The following ALPK2 variants were observed in gnomAD, a reference collection of about 807,000 sequenced individuals.
ALPK2 encodes the protein alpha kinase 2, also known as alpha-protein kinase 2.
Under a neutral mutation model 163.1 loss-of-function variants are expected in ALPK2, and 127 were observed. The observed-to-expected ratio is 0.78, with a 90% CI of 0.67 to 0.90. The LOEUF (loss-of-function observed/expected upper bound fraction) is 0.90, where lower values mean the gene tolerates loss of function less well. ALPK2 is among the 40% of genes least tolerant of loss of function. ALPK2 has a pLI of 0.00. For synonymous variants in ALPK2, 953 were observed against 959.1 expected, an observed-to-expected ratio of 0.99 and a Z score of 0.12; for missense variants, 2,360 against 2,589.6, an observed-to-expected ratio of 0.91 and a Z score of 1.92.
chr18:58,575,253 C>T (rs1448098986), intron 4 of ALPK2, among the ~76,000 whole-genome samples: 6 of 152,002 alleles, frequency 3.9e-5, no homozygotes, highest in Admixed American at 1.3e-4. Flanking sequence ...CCTAACTATA[C>T]TTGGCATTTA....
chr18:58,552,336 A>G (rs2051764263), intron 4 of ALPK2, among the ~76,000 whole-genome samples: 1 of 152,164 alleles, frequency 6.6e-6, no homozygotes, highest in African/African-American at 2.4e-5. Flanking sequence ...ACAAATATTG[A>G]CAGACACTGT....
At chr18:58,565,927 G>A (rs377324606) in intron 4 of ALPK2, among the ~76,000 whole-genome samples, 1 of 151,910 alleles carries the variant, frequency 6.6e-6, no homozygotes, top group Non-Finnish European at 1.5e-5. Context: ...GACTACAGGC[G>A]TGCACCACCA....
At chr18:58,547,118 A>T (rs934923436) in intron 4 of ALPK2, among the ~76,000 whole-genome samples, 1 of 145,078 alleles carries the variant, frequency 6.9e-6, no homozygotes. Context: ...TTTCTTCCAC[A>T]GTAAAGTAAG....
At chr18:58,558,172 T>C (rs912735343) in intron 4 of ALPK2, among the ~76,000 whole-genome samples, 2 of 152,212 alleles carry the variant, frequency 1.3e-5, no homozygotes, top group Non-Finnish European at 2.9e-5. Flanking sequence ...TTTGGATATG[T>C]GAATCTACCC....
chr18:58,501,348 C>T (rs2051430498), intron 11 of ALPK2, among the ~76,000 whole-genome samples: 1 of 152,204 alleles, frequency 6.6e-6, no homozygotes, highest in African/African-American at 2.4e-5. Flanking sequence ...ATTGCACAGC[C>T]AGAGTCTAAA....
chr18:58,589,551 C>T lies in ALPK2; in HGVS notation c.228-9003G>A, dbSNP rs80265518. Among the ~76,000 whole-genome samples the T allele has an allele frequency of 1.7e-3, 260 of 152,254 alleles. 1 individual carries two copies. The highest frequency in any genetic ancestry group is 6.2e-3 in the African/African-American group (257 of 41,546). ...AACAAGTAGAAAAGGAAGACATAAA[C>T]GAACGATTTATTTTTTTCTAGCTAC... On this transcript the variant is annotated intron_variant, in intron 3 of 12. Transcript: ENST00000361673.
At chr18:58,565,155 C>T (rs1263920707) in intron 4 of ALPK2, among the ~76,000 whole-genome samples, 14 of 152,110 alleles carry the variant, frequency 9.2e-5, no homozygotes, top group Admixed American at 9.2e-4. Context: ...TTTTATTTAG[C>T]CAGTTACCCA....
chr18:58,554,608 C>T (rs2051779479), intron 4 of ALPK2, among the ~76,000 whole-genome samples: 2 of 152,186 alleles, frequency 1.3e-5, no homozygotes, highest in Non-Finnish European at 2.9e-5. Flanking sequence ...TGCCTAGGAT[C>T]CCCGAGATCA....
rs182608483 is a variant in ALPK2 at position 58,512,523 on chromosome 18, C to T, written c.6029+2470G>A. On this transcript the variant is annotated intron_variant, in intron 10 of 12. Transcript: ENST00000361673. ...GGGGGAGGGGGACAGGACTCCTGGT[C>T]CTCTCTCTAGACGTGCAGGCTTTCA... Among the ~76,000 whole-genome samples the T allele has an allele frequency of 7.9e-4, 120 of 152,184 alleles. 1 individual carries two copies. Among genetic ancestry groups the T allele is most frequent in the African/African-American group, 2.7e-3 (112 of 41,514 alleles).
intron 5 of ALPK2, among the ~76,000 whole-genome samples, chr18:58,533,996 G>T (rs1450140889): frequency 6.6e-6 from 1 of 152,142 alleles, no homozygotes; most frequent in African/African-American, 2.4e-5. Context: ...GGCCACTGTA[G>T]CTTGCTGCAA....
intron 5 of ALPK2, 135 bp from the exon 6 acceptor site, chr18:58,529,373 A>C (rs1229129103): frequency 3.1e-6 from 3 of 975,104 alleles, no homozygotes; most frequent in Non-Finnish European, 4.4e-6. Flanking sequence ...TGAGTCTCTG[A>C]GGGGAGAGGT....
intron 12 of ALPK2, 144 bp from the exon 13 acceptor site, chr18:58,482,183 C>T: frequency 1.5e-6 from 1 of 647,630 alleles, no homozygotes; most frequent in Admixed American, 2.8e-5. Context: ...GCAGGATAGA[C>T]ACAACTATAA....
At chr18:58,522,298 G>A (rs114862754) in intron 8 of ALPK2, among the ~76,000 whole-genome samples, 3 of 152,160 alleles carry the variant, frequency 2.0e-5, no homozygotes, top group Admixed American at 1.3e-4. Flanking sequence ...CACACTGAGA[G>A]TATTTACATC....
intron 12 of ALPK2, among the ~76,000 whole-genome samples, chr18:58,493,650 G>A (rs889098958): frequency 1.3e-5 from 2 of 152,124 alleles, no homozygotes; most frequent in African/African-American, 2.4e-5. Context: ...CTTTCTCAAG[G>A]CAACTGTCCT....
At chr18:58,528,811 A>G (rs1170208357) in intron 6 of ALPK2, 13 of 404,498 alleles carry the variant, frequency 3.2e-5, no homozygotes, top group Non-Finnish European at 4.6e-6. Flanking sequence ...ATCATTTGAC[A>G]TGTTCCTTCC....
intron 4 of ALPK2, chr18:58,543,276 T>C (rs546869019): frequency 1.2e-6 from 1 of 834,286 alleles, no homozygotes; most frequent in Admixed American, 6.2e-5. Context: ...GAAATACATT[T>C]CTTTTCTTTA....
At chr18:58,601,102 A>C (rs1428808432) in intron 3 of ALPK2, among the ~76,000 whole-genome samples, 2 of 152,228 alleles carry the variant, frequency 1.3e-5, no homozygotes, top group East Asian at 3.9e-4. Flanking sequence ...CTAAAAATAC[A>C]AAAATTAGCC....
chr18:58,596,473 C>T (rs1366576831), intron 3 of ALPK2, among the ~76,000 whole-genome samples: 2 of 152,200 alleles, frequency 1.3e-5, no homozygotes, highest in South Asian at 2.1e-4. Context: ...GGAGAAGAAT[C>T]TCCATCTGGC....
At chr18:58,495,510 G>C (rs2051397014) in intron 12 of ALPK2, among the ~76,000 whole-genome samples, 1 of 152,090 alleles carries the variant, frequency 6.6e-6, no homozygotes, top group Non-Finnish European at 1.5e-5. Context: ...CAAAACCAAA[G>C]GATTGGATTT....
Sources: gnomAD v4.1 joint callset for allele counts (sites outside exome capture counted in the v4.1 genomes callset) on GRCh38, gnomAD v4.1.1 for gene constraint, MANE v1.5 for transcripts, NCBI Gene and HGNC (gene_info 2026-07-23, HGNC 2026-07-21) for gene names.